The following ZNF385C variants were observed in gnomAD, a reference collection of about 807,000 sequenced individuals.
ZNF385C encodes CTD-2132N18.2.
ZNF385C carries 28 observed loss-of-function variants against 35.4 expected under a neutral mutation model. The ratio of observed to expected loss-of-function variants is 0.79; its 90% CI spans 0.59 to 1.08. The LOEUF (loss-of-function observed/expected upper bound fraction) is 1.08. ZNF385C is among the 50% of genes least tolerant of loss of function. The pLI is 0.00. For synonymous variants in ZNF385C, 248 were observed against 248.2 expected (o/e 1.00, Z 0.01); for missense variants, 605 against 595.6 (o/e 1.02, Z -0.16).
chr17:42,074,513 T>C (rs1417347705), intron 1 of ZNF385C, among the ~76,000 whole-genome samples: 13 of 152,114 alleles, frequency 8.5e-5, no homozygotes, highest in African/African-American at 2.9e-4. Flanking sequence ...TGCCTCAGCC[T>C]CCCAAGTAGC....
chr17:42,054,660 C>T (rs1202119406), intron 2 of ZNF385C, among the ~76,000 whole-genome samples: 2 of 151,568 alleles, frequency 1.3e-5, no homozygotes, highest in Non-Finnish European at 2.9e-5. Context: ...TGGCTCACTG[C>T]AACCTCTGCC....
At chr17:42,061,880 G>A (rs1349422759) in intron 2 of ZNF385C, 1 of 153,128 alleles carries the variant, frequency 6.5e-6, no homozygotes, top group East Asian at 1.9e-4. Flanking sequence ...CAATCTTGGG[G>A]AGGGTGGTAA....
At chr17:42,064,118 A>ACACACT (rs1491216367) in intron 1 of ZNF385C, among the ~76,000 whole-genome samples, 41 of 135,436 alleles carry the variant, frequency 3.0e-4, no homozygotes, top group African/African-American at 1.2e-3. Flanking sequence ...ACACACACAC[A>ACACACT]CTTTCTGTCT....
chr17:42,026,943 C>G lies in ZNF385C; in HGVS notation c.1466G>C (p.Gly489Ala). 1 of 1,610,054 alleles carries G rather than the reference C, an allele frequency of 6.2e-7. No homozygotes were observed. The change falls in exon 9 of 9, where the codon GGA becomes GCA. Residue 489 changes from glycine (G) to alanine (A), a missense_variant. By Grantham distance (60) the Gly-to-Ala change is moderately conservative. Transcript: ENST00000692273. ...AGGTCCTGTGGCAGGGCGGACAGCT[C>G]CTGCTGGGGTGCGAAACAGAGCTGG... ...LGPALFRTPA[G>A]AVRPATGPIV...
At chr17:42,067,352 G>A (rs2053562959) in intron 1 of ZNF385C, among the ~76,000 whole-genome samples, 1 of 152,104 alleles carries the variant, frequency 6.6e-6, no homozygotes, top group African/African-American at 2.4e-5. Flanking sequence ...ACAAACTAAC[G>A]CGCCATAGAT....
At chr17:42,044,052 A>C (rs935023848) in intron 2 of ZNF385C, among the ~76,000 whole-genome samples, 14 of 146,894 alleles carry the variant, frequency 9.5e-5, no homozygotes, top group Non-Finnish European at 1.6e-4. Flanking sequence ...ATGGTGGCTC[A>C]CTCCTATAAT....
chr17:42,063,860 C>A (rs914487980), intron 1 of ZNF385C, among the ~76,000 whole-genome samples: 1 of 152,190 alleles, frequency 6.6e-6, no homozygotes. Context: ...TTCCTGTGCC[C>A]TGCACCCAGC....
chr17:42,028,174 C>T lies in ZNF385C; in HGVS notation c.1040G>A (p.Arg347Lys), dbSNP rs1555654542. 1.9e-6 allele frequency: 3 copies of T among 1,603,102 alleles called. No individual in the cohort carries two copies. The highest frequency in any genetic ancestry group is 2.2e-5 in the South Asian group (2 of 90,296). Reference protein sequence around the residue: ...PRRSRGRPVSRGGAGHKAKRV... With the variant: ...PRRSRGRPVSKGGAGHKAKRV... Reference sequence around the variant, plus strand: ...CTTGGCTTTGTGTCCGGCACCTCCCCTGGACACCGGGCGGCCCCGGCTCCT... The same window carrying T: ...CTTGGCTTTGTGTCCGGCACCTCCCTTGGACACCGGGCGGCCCCGGCTCCT... The change falls in exon 7 of 9, where the codon AGG becomes AAG. Residue 347 changes from arginine (R) to lysine (K), a missense_variant. Coordinates refer to ENST00000692273, the MANE Select transcript of ZNF385C (RefSeq NM_001392013.1).
At chr17:42,070,624 CAAAG>C (rs2053610964) in intron 1 of ZNF385C, among the ~76,000 whole-genome samples, 1 of 152,200 alleles carries the variant, frequency 6.6e-6, no homozygotes, top group South Asian at 2.1e-4. Context: ...CTCAGCATCA[CAAAG>C]AGAGGCAAGT....
At chr17:42,066,357 C>A (rs1442692361) in intron 1 of ZNF385C, among the ~76,000 whole-genome samples, 2 of 152,148 alleles carry the variant, frequency 1.3e-5, no homozygotes, top group Non-Finnish European at 2.9e-5. Flanking sequence ...TGGTGCCCGG[C>A]CAATCAGCTG....
intron 3 of ZNF385C, 31 bp downstream of exon 3, chr17:42,037,706 G>A: frequency 6.7e-7 from 1 of 1,486,992 alleles, no homozygotes; most frequent in Non-Finnish European, 9.0e-7. Context: ...AAGCTTGTGT[G>A]CATGCCCCCA....
intron 6 of ZNF385C, chr17:42,028,535 C>A (rs2052650461): frequency 1.6e-6 from 1 of 608,712 alleles, no homozygotes; most frequent in Non-Finnish European, 2.9e-6. Context: ...TCTCCTGTCT[C>A]CTGTGGAGTG....
chr17:42,035,985 AT>A lies in ZNF385C; in HGVS notation c.400-1651del, dbSNP rs567371576. Among the ~76,000 whole-genome samples the A allele has an allele frequency of 2.9e-4, 43 of 150,380 alleles. No homozygotes were observed. In the East Asian group the frequency reaches 6.7e-3, roughly 24 times the overall value. On this transcript the variant is annotated intron_variant, in intron 3 of 8. Transcript: ENST00000692273. ...TCGTTTCTTTGGAATATTAATTTGG[AT>A]TTTTTTTCTTTTCCTTATTATTTTT...
chr17:42,088,930 A>G (rs1015217048), intron 1 of ZNF385C, among the ~76,000 whole-genome samples: 1 of 151,746 alleles, frequency 6.6e-6, no homozygotes, highest in Non-Finnish European at 1.5e-5. Context: ...GCCTCAAGCG[A>G]TCCTCCCGCC....
At chr17:42,079,219 C>CAT (rs201223179) in intron 1 of ZNF385C, among the ~76,000 whole-genome samples, 15,121 of 124,980 alleles carry the variant, frequency 0.12, 1,055 homozygotes, top group Middle Eastern at 0.25. Context: ...TATATATATA[C>CAT]ATATATATAT....
At chr17:42,085,654 G>T (rs1465944549) in intron 1 of ZNF385C, among the ~76,000 whole-genome samples, 1 of 145,214 alleles carries the variant, frequency 6.9e-6, no homozygotes, top group East Asian at 2.1e-4. Context: ...CTGGAGTGCA[G>T]TGGCGCGATC....
At chr17:42,090,109 A>C (rs1260590669) in intron 1 of ZNF385C, among the ~76,000 whole-genome samples, 5 of 151,858 alleles carry the variant, frequency 3.3e-5, no homozygotes, top group Non-Finnish European at 7.4e-5. Flanking sequence ...GTTTCCCCTC[A>C]CTTGGGAGCT....
intron 1 of ZNF385C, among the ~76,000 whole-genome samples, chr17:42,063,643 G>A (rs2053499871): frequency 6.6e-6 from 1 of 152,226 alleles, no homozygotes; most frequent in African/African-American, 2.4e-5. Context: ...GGGACTCGGA[G>A]GGCCGCAGAA....
chr17:42,092,984 C>G (rs534704315), intron 1 of ZNF385C, among the ~76,000 whole-genome samples: 1 of 152,312 alleles, frequency 6.6e-6, no homozygotes, highest in South Asian at 2.1e-4. Flanking sequence ...TGGCCTCTAG[C>G]CTGGGCATCT....
Sources: gnomAD v4.1 joint callset for allele counts (sites outside exome capture counted in the v4.1 genomes callset) on GRCh38, gnomAD v4.1.1 for gene constraint, MANE v1.5 for transcripts, NCBI Gene and HGNC (gene_info 2026-07-23, HGNC 2026-07-21) for gene names.